Variants in PCDHGA6 observed in about 807,000 individuals in gnomAD.
PCDHGA6 encodes protocadherin gamma-A6.
Under a neutral mutation model 60.6 loss-of-function variants are expected in PCDHGA6, and 41 were observed. That is an observed-to-expected ratio of 0.68 (90% CI 0.53 to 0.88). PCDHGA6 has a LOEUF of 0.88. PCDHGA6 is among the 40% of genes least tolerant of loss of function. The pLI is 0.00. For missense variants in PCDHGA6, 1,312 were observed against 1,203.0 expected, an observed-to-expected ratio of 1.09 and a Z score of -1.34; for synonymous variants, 594 against 524.4, an observed-to-expected ratio of 1.13 and a Z score of -1.81.
intron 1 of PCDHGA6, chr5:141,382,898 C>T (rs938652730): frequency 6.5e-7 from 1 of 1,541,064 alleles, no homozygotes. Context: ...AGCAGGACGA[C>T]TATGGCGGCT....
Position 141,486,904 on chromosome 5 carries a change from C to G in PCDHGA6, c.2425-7903C>G. On this transcript the variant is annotated intron_variant, in intron 1 of 3. Transcript: ENST00000517434. This position sits in a 1 kb window ranked among gnomAD's most constrained non-coding sequence, Gnocchi z 5.0. The stretch of plus-strand genomic sequence containing the variant: ...GGGCCCGGCCTGGTTCCTTATGTCC[C>G]CAAGCACTGCCTCCATCAGTTGGTG... 6.2e-7 allele frequency: 1 copy of G among 1,614,226 alleles called. No individual in the cohort carries two copies. The highest frequency in any genetic ancestry group is 1.1e-5 in the South Asian group (1 of 91,080).
At position 141,376,347 on chromosome 5, in the gene PCDHGA6, A is replaced by T. The variant is rs1218451115; in HGVS notation, c.2264A>T (p.His755Leu). 1 of 1,614,056 alleles carries T rather than the reference A, an allele frequency of 6.2e-7. No individual in the cohort carries two copies. ...GVRAFLQTYS[H>L]EVSLTADSRK... Reference sequence around the variant, plus strand: ...CGGGCTTTCCTGCAGACCTATTCCCACGAGGTCTCACTCACTGCAGACTCG... The same window carrying T: ...CGGGCTTTCCTGCAGACCTATTCCCTCGAGGTCTCACTCACTGCAGACTCG... The change falls in exon 1 of 4, where the codon CAC becomes CTC. Residue 755 changes from histidine (H) to leucine (L), a missense_variant. By Grantham distance (99) the His-to-Leu change is moderately conservative. Coordinates refer to ENST00000517434, the MANE Select transcript of PCDHGA6 (RefSeq NM_018919.3).
chr5:141,435,906 A>C (rs1246100275), intron 1 of PCDHGA6, among the ~76,000 whole-genome samples: 1 of 152,182 alleles, frequency 6.6e-6, no homozygotes, highest in African/African-American at 2.4e-5. Context: ...AAAGACATCC[A>C]AGGGCTCTAA....
At chr5:141,382,592 A>G (rs1264942970) in intron 1 of PCDHGA6, 1 of 246,462 alleles carries the variant, frequency 4.1e-6, no homozygotes, top group Admixed American at 5.4e-5. Context: ...TTGAAAGATG[A>G]AACAATTTTC....
Position 141,376,087 on chromosome 5 carries a change from C to G in PCDHGA6, c.2004C>G (p.Ile668Met), listed in dbSNP as rs1772268954. The change falls in exon 1 of 4, where the codon ATC (isoleucine) becomes ATG (methionine). Residue 668 changes from isoleucine to methionine, a missense_variant. Coordinates refer to ENST00000517434, the MANE Select transcript of PCDHGA6 (RefSeq NM_018919.3). ...VTLTVAVADR[I>M]PDILADLGSL... The stretch of plus-strand genomic sequence containing the variant: ...TCACCGTGGCCGTGGCCGACAGGAT[C>G]CCCGACATCCTGGCCGACCTGGGCA... 1 of 1,613,538 alleles carries G rather than the reference C, an allele frequency of 6.2e-7. No individual in the cohort carries two copies. The highest frequency in any genetic ancestry group is 8.5e-7 in the Non-Finnish European group (1 of 1,179,934).
chr5:141,389,874 G>A, intron 1 of PCDHGA6: 1 of 1,614,072 alleles, frequency 6.2e-7, no homozygotes, highest in Non-Finnish European at 8.5e-7. Context: ...GGTCTTCGCC[G>A]ACAGCTTGCA....
chr5:141,374,161 C>G lies in PCDHGA6; in HGVS notation c.78C>G (p.Ala26=). The part of the protein sequence containing the change: ...LLTLLGTLWG[A]AAAQIRYSIP... Reference sequence around the variant, plus strand: ...CGCTCCTGGGGACGCTGTGGGGGGCCGCGGCAGCGCAGATCCGCTACTCTA... The same window carrying G: ...CGCTCCTGGGGACGCTGTGGGGGGCGGCGGCAGCGCAGATCCGCTACTCTA... Residue 26 remains alanine (A), a synonymous_variant, in exon 1 of 4, where the codon GCC becomes GCG. Transcript: ENST00000517434. 6.2e-7 allele frequency: 1 copy of G among 1,612,316 alleles called. No homozygotes were observed. The highest frequency in any genetic ancestry group is 1.1e-5 in the South Asian group (1 of 91,020).
intron 1 of PCDHGA6, chr5:141,389,758 G>A: frequency 1.2e-6 from 2 of 1,612,792 alleles, no homozygotes; most frequent in Non-Finnish European, 1.7e-6. Flanking sequence ...GGCGAAGTGC[G>A]CACAGCGCGT....
chr5:141,433,033 C>A, intron 1 of PCDHGA6: 2 of 1,614,164 alleles, frequency 1.2e-6, no homozygotes, highest in Non-Finnish European at 1.7e-6. Flanking sequence ...ACGAGGTTTC[C>A]CTCACCACGG....
At chr5:141,466,621 T>A (rs911794654) in intron 1 of PCDHGA6, among the ~76,000 whole-genome samples, 1 of 152,208 alleles carries the variant, frequency 6.6e-6, no homozygotes, top group Non-Finnish European at 1.5e-5. Context: ...GCCGTTTTCT[T>A]TGGAGCATTG....
chr5:141,419,507 G>A (rs909984738), intron 1 of PCDHGA6: 2 of 1,612,198 alleles, frequency 1.2e-6, no homozygotes, highest in Non-Finnish European at 1.7e-6. Context: ...GAGCCTGCGC[G>A]TGTTGGTGGG....
In PCDHGA6 at chr5:141,374,803, A is replaced by G. The variant is rs371815306; in HGVS notation, c.720A>G (p.Pro240=). The G allele has an allele frequency of 9.7e-5, 157 of 1,613,866 alleles. 1 individual carries two copies. Among genetic ancestry groups the G allele is most frequent in the Middle Eastern group, 1.6e-4 (1 of 6,084 alleles). The change falls in exon 1 of 4, where the codon CCA becomes CCG. Residue 240 remains proline (P), a synonymous_variant. Coordinates refer to ENST00000517434, the MANE Select transcript of PCDHGA6 (RefSeq NM_018919.3). The part of the protein sequence containing the change: ...VTVLDVNDNT[P]MFTQPVYRVS... ...TTCTAGATGTGAATGACAACACTCC[A>G]ATGTTTACTCAGCCTGTCTACCGTG...
At chr5:141,378,368 C>A (rs1774846187) in intron 1 of PCDHGA6, 1 of 152,194 alleles carries the variant, frequency 6.6e-6, no homozygotes, top group Non-Finnish European at 1.5e-5. Context: ...ACTAAAAATA[C>A]AAAAATTAGC....
chr5:141,415,885 C>A (rs778154458), intron 1 of PCDHGA6: 7 of 978,904 alleles, frequency 7.2e-6, no homozygotes, highest in Non-Finnish European at 9.6e-6. Context: ...ACAATATTGA[C>A]AATTCCTAAG....
chr5:141,503,763 T>C (rs1014883264), intron 2 of PCDHGA6, among the ~76,000 whole-genome samples: 1 of 152,174 alleles, frequency 6.6e-6, no homozygotes, highest in Non-Finnish European at 1.5e-5. Context: ...ATGGCAGCCT[T>C]GTGTCTGTTC....
chr5:141,419,735 G>A (rs1013306543), intron 1 of PCDHGA6: 4 of 1,613,806 alleles, frequency 2.5e-6, no homozygotes, highest in Non-Finnish European at 3.4e-6. Flanking sequence ...AACAGGCGAG[G>A]TGCGCATGGT....
intron 1 of PCDHGA6, chr5:141,400,754 C>G: frequency 1.7e-6 from 1 of 589,004 alleles, no homozygotes. Context: ...TTAGCTTCCT[C>G]TCTAGCAAAA....
At chr5:141,379,889 C>CTTTTTTATTTTTTTTTTTTTTTTTTTTTT (rs1775946036) in intron 1 of PCDHGA6, among the ~76,000 whole-genome samples, 1 of 50,830 alleles carries the variant, frequency 2.0e-5, no homozygotes, top group Non-Finnish European at 3.9e-5. Context: ...GTGAAAGCCT[C>CTTTTTTATTTTTTTTTTTTTTTTTTTTTT]TTTTTTTTTT....
At chr5:141,404,492 C>T (rs770295078) in intron 1 of PCDHGA6, 1 of 1,613,668 alleles carries the variant, frequency 6.2e-7, no homozygotes, top group African/African-American at 1.3e-5. Context: ...CACTGGTGTG[C>T]TGTATGCTCT....
Sources: gnomAD v4.1 joint callset for allele counts (sites outside exome capture counted in the v4.1 genomes callset) on GRCh38, gnomAD v4.1.1 for gene constraint, Gnocchi (gnomAD v3.1) non-coding constraint, MANE v1.5 for transcripts, NCBI Gene and HGNC (gene_info 2026-07-23, HGNC 2026-07-21) for gene names.